RELL1: variants seen among roughly 807,000 people sequenced by gnomAD.
RELL1 encodes the protein RELT-like protein 1.
Under a neutral mutation model 23.0 loss-of-function variants are expected in RELL1, and 10 were observed. The observed-to-expected ratio is 0.43, with a 90% CI of 0.27 to 0.74. The LOEUF (loss-of-function observed/expected upper bound fraction) is 0.74. Ranked by LOEUF, RELL1 falls within the 30% of genes least tolerant of loss-of-function variation. RELL1 has a pLI of 0.19. For missense variants in RELL1, 315 were observed against 364.4 expected (o/e 0.86, Z 1.10); for synonymous variants, 146 against 146.8 (o/e 0.99, Z 0.04).
chr4:37,651,013 G>C (rs1225089480), intron 1 of RELL1, among the ~76,000 whole-genome samples: 1 of 148,158 alleles, frequency 6.7e-6, no homozygotes, highest in African/African-American at 2.5e-5. Flanking sequence ...GAGCCAAGAA[G>C]TGCACCACTG....
At chr4:37,682,922 C>T (rs1169731427) in intron 1 of RELL1, among the ~76,000 whole-genome samples, 1 of 152,168 alleles carries the variant, frequency 6.6e-6, no homozygotes, top group Non-Finnish European at 1.5e-5. Flanking sequence ...AACTAATAAA[C>T]CTGAAGGTTG....
intron 6 of RELL1, among the ~76,000 whole-genome samples, chr4:37,623,976 TG>T (rs1306065092): frequency 6.6e-6 from 1 of 152,204 alleles, no homozygotes; most frequent in African/African-American, 2.4e-5. Context: ...CATCATTAAC[TG>T]CTTCCTGGAG....
chr4:37,612,497 G>A lies in RELL1; in HGVS notation c.*849C>T, dbSNP rs949292405. On this transcript the variant is annotated 3_prime_UTR_variant, in exon 7 of 7. Transcript: ENST00000454158. ...CTAAAAATACAAAAATTAGTCGAGC[G>A]TGGTGGTGCATGCCTGTAATCCCAG... Among the ~76,000 whole-genome samples, 20 of 151,956 alleles carry A rather than the reference G, an allele frequency of 1.3e-4. No individual in the cohort carries two copies. The highest frequency in any genetic ancestry group is 7.2e-4 in the Admixed American group (11 of 15,252).
At chr4:37,669,201 C>T (rs1248042969) in intron 1 of RELL1, among the ~76,000 whole-genome samples, 2 of 130,508 alleles carry the variant, frequency 1.5e-5, no homozygotes, top group East Asian at 2.4e-4. Context: ...GGTCAGCCCC[C>T]TGCCTGGCCA....
At chr4:37,626,414 G>A (rs888830469) in intron 6 of RELL1, among the ~76,000 whole-genome samples, 1 of 152,148 alleles carries the variant, frequency 6.6e-6, no homozygotes, top group Non-Finnish European at 1.5e-5. Flanking sequence ...GGAGGCAGAG[G>A]CTGCAGTGAG....
intron 6 of RELL1, among the ~76,000 whole-genome samples, chr4:37,624,987 G>A (rs1719892087): frequency 6.6e-6 from 1 of 152,162 alleles, no homozygotes; most frequent in Non-Finnish European, 1.5e-5. Flanking sequence ...ATTGACTTAT[G>A]AACTACACAT....
chr4:37,605,787 AAGAAAG>A (rs1231450368), downstream of RELL1, among the ~76,000 whole-genome samples: 1 of 54,506 alleles, frequency 1.8e-5, no homozygotes, highest in Non-Finnish European at 4.0e-5. Context: ...GAGAGAGAGA[AAGAAAG>A]AGAAAGAAAG....
exon 7 of RELL1, chr4:37,590,851 G>A (rs1199977337): frequency 2.5e-6 from 4 of 1,614,128 alleles, no homozygotes; most frequent in Non-Finnish European, 3.4e-6. Context: ...TGCCATGCCT[G>A]TGGTTGACTC....
At position 37,611,451 on chromosome 4, in the gene RELL1, T is replaced by G. The variant is rs1304159896; in HGVS notation, c.*1895A>C. On this transcript the variant is annotated 3_prime_UTR_variant, in exon 7 of 7. Transcript: ENST00000454158. Reference sequence around the variant, plus strand: ...ATTTATTTAAAAGGTTAGAAATGTTTAGTTTGATGCTGGAAATAAAATCAT... The same window carrying G: ...ATTTATTTAAAAGGTTAGAAATGTTGAGTTTGATGCTGGAAATAAAATCAT... Among the ~76,000 whole-genome samples, 1 of 152,224 alleles carries G rather than the reference T, an allele frequency of 6.6e-6. No homozygotes were observed.
In RELL1 at chr4:37,649,446, C is replaced by T. The variant is rs1172639395; in HGVS notation, c.143G>A (p.Ser48Asn). ...HSRTETTPSPSNDTGNGHPEY... is the reference protein window; with the variant it reads ...HSRTETTPSPNNDTGNGHPEY... ...TGGGTGTCCATTCCCAGTATCGTTG[C>T]TGGGCGACGGGGTCGTCTCTGTTCT... Residue 48 changes from serine to asparagine, a missense_variant, in exon 2 of 7, where the codon AGC becomes AAC. Transcript: ENST00000454158. 8 of 1,614,216 alleles carry T rather than the reference C, an allele frequency of 5.0e-6. No homozygotes were observed. Among genetic ancestry groups the T allele is most frequent in the Non-Finnish European group, 6.8e-6 (8 of 1,180,014 alleles).
intron 1 of RELL1, among the ~76,000 whole-genome samples, chr4:37,655,446 G>A (rs1333724791): frequency 6.6e-6 from 1 of 152,132 alleles, no homozygotes; most frequent in Non-Finnish European, 1.5e-5. Flanking sequence ...CTTCTGAAAA[G>A]GGGAAATGTG....
intron 4 of RELL1, among the ~76,000 whole-genome samples, chr4:37,637,937 T>A (rs563548472): frequency 1.8e-4 from 28 of 152,330 alleles, no homozygotes; most frequent in African/African-American, 6.3e-4. Flanking sequence ...GTATTCCTTA[T>A]AACAACCCTA....
rs534718685 is a variant in RELL1, at chr4:37,611,069, T to C, written c.*2277A>G. On this transcript the variant is annotated 3_prime_UTR_variant, in exon 7 of 7. Coordinates refer to ENST00000454158, the MANE Select transcript of RELL1 (RefSeq NM_001085400.2). ...CTTGGTATCAATACAGTTTTAAATA[T>C]TTTTGAGTATTCTCTTGCCTGTTGT... is the stretch of plus-strand genomic sequence containing the variant. Among the ~76,000 whole-genome samples, 1 of 152,264 alleles carries C rather than the reference T, an allele frequency of 6.6e-6. No individual in the cohort carries two copies. The highest frequency in any genetic ancestry group is 1.5e-5 in the Non-Finnish European group (1 of 68,028).
intron 1 of RELL1, among the ~76,000 whole-genome samples, chr4:37,662,808 C>G (rs1329825817): frequency 6.6e-6 from 1 of 151,978 alleles, no homozygotes; most frequent in Non-Finnish European, 1.5e-5. Flanking sequence ...CCCAAAGCTC[C>G]GTCTTGGGAG....
intron 2 of RELL1, among the ~76,000 whole-genome samples, chr4:37,647,891 T>C (rs1427564840): frequency 6.6e-6 from 1 of 152,244 alleles, no homozygotes; most frequent in Non-Finnish European, 1.5e-5. Context: ...ATCAGACTGC[T>C]GTATCCTCTG....
intron 1 of RELL1, among the ~76,000 whole-genome samples, chr4:37,669,292 C>T (rs924117454): frequency 1.3e-5 from 2 of 148,186 alleles, no homozygotes; most frequent in African/African-American, 5.1e-5. Flanking sequence ...GGAGCCTCTG[C>T]CCGGCCGCCT....
chr4:37,632,795 T>C (rs1211857621), intron 5 of RELL1, among the ~76,000 whole-genome samples: 1 of 152,218 alleles, frequency 6.6e-6, no homozygotes, highest in Non-Finnish European at 1.5e-5. Context: ...TAAATAAATG[T>C]ATTCAGTTTA....
intron 6 of RELL1, among the ~76,000 whole-genome samples, chr4:37,614,852 G>A (rs1221081086): frequency 6.6e-6 from 1 of 152,100 alleles, no homozygotes; most frequent in Admixed American, 6.5e-5. Flanking sequence ...GGGATGTCAG[G>A]CCTAGAAACT....
chr4:37,660,769 C>T (rs561249004), intron 1 of RELL1, among the ~76,000 whole-genome samples: 52 of 152,274 alleles, frequency 3.4e-4, no homozygotes, highest in Middle Eastern at 3.4e-3. Flanking sequence ...CGGTGGCTCA[C>T]GCCTGTAATC....
Sources: allele counts gnomAD v4.1 joint callset (sites outside exome capture counted in the v4.1 genomes callset), GRCh38; gene constraint gnomAD v4.1.1; transcripts MANE v1.5; gene names NCBI Gene and HGNC (gene_info 2026-07-23, HGNC 2026-07-21).